Variants in ZMAT4 observed in about 807,000 individuals in gnomAD.
ZMAT4 encodes zinc finger matrin-type protein 4.
ZMAT4 carries 17 observed loss-of-function variants against 28.7 expected under a neutral mutation model. The observed-to-expected ratio is 0.59, with a 90% CI of 0.41 to 0.89. ZMAT4 has a LOEUF of 0.89. ZMAT4 is among the 40% of genes least tolerant of loss of function. The pLI, the probability that ZMAT4 is intolerant of heterozygous loss-of-function variation, is 0.00. For synonymous variants in ZMAT4, 117 were observed against 109.2 expected (o/e 1.07, Z -0.44); for missense variants, 240 against 283.8 (o/e 0.85, Z 1.11).
intron 2 of ZMAT4, among the ~76,000 whole-genome samples, chr8:40,790,218 A>T (rs373514047): frequency 2.6e-5 from 4 of 152,202 alleles, no homozygotes; most frequent in Admixed American, 2.6e-4. Context: ...AAGAAAAAAA[A>T]CTGTTTTTAT....
chr8:40,667,200 G>A (rs1808453664), intron 5 of ZMAT4, among the ~76,000 whole-genome samples: 1 of 151,240 alleles, frequency 6.6e-6, no homozygotes, highest in Admixed American at 6.6e-5. Flanking sequence ...CTGTCGCCTA[G>A]GCTGGAGTGC....
rs974311532 is a variant in ZMAT4, at chr8:40,735,577, C to T, written c.192+32064G>A. Reference sequence around the variant, plus strand: ...ACTGGATCTAAAAAATATTTGAGAGCTGGTTTCAGGAATTTAACCCATCAT... The same window carrying T: ...ACTGGATCTAAAAAATATTTGAGAGTTGGTTTCAGGAATTTAACCCATCAT... On this transcript the variant is annotated intron_variant, in intron 3 of 6. Coordinates refer to ENST00000297737, the MANE Select transcript of ZMAT4 (RefSeq NM_024645.3). Among the ~76,000 whole-genome samples the T allele has an allele frequency of 7.9e-5, 12 of 152,232 alleles. No homozygotes were observed. In the East Asian group the frequency reaches 2.3e-3, roughly 29 times the overall value.
intron 6 of ZMAT4, among the ~76,000 whole-genome samples, chr8:40,561,316 C>T (rs1803731975): frequency 6.6e-6 from 1 of 152,000 alleles, no homozygotes; most frequent in South Asian, 2.1e-4. Flanking sequence ...TGTTACTTGG[C>T]AGCTTTAGAG....
chr8:40,626,075 A>C (rs931413383), intron 5 of ZMAT4, among the ~76,000 whole-genome samples: 2 of 147,370 alleles, frequency 1.4e-5, no homozygotes, highest in Non-Finnish European at 3.0e-5. Flanking sequence ...GCGCCATTGC[A>C]CTCCAGCCTG....
intron 4 of ZMAT4, among the ~76,000 whole-genome samples, chr8:40,693,558 T>C (rs965912377): frequency 6.6e-6 from 1 of 152,222 alleles, no homozygotes; most frequent in Non-Finnish European, 1.5e-5. Flanking sequence ...GCCTCCTTGA[T>C]GCATGTTCCT....
At chr8:40,666,642 A>G (rs188409402) in intron 5 of ZMAT4, among the ~76,000 whole-genome samples, 2 of 152,306 alleles carry the variant, frequency 1.3e-5, no homozygotes, top group East Asian at 1.9e-4. Context: ...ACAAAATTCA[A>G]TTTCATTTTC....
At chr8:40,668,276 C>T (rs1400583024) in intron 5 of ZMAT4, among the ~76,000 whole-genome samples, 1 of 151,828 alleles carries the variant, frequency 6.6e-6, no homozygotes, top group Non-Finnish European at 1.5e-5. Context: ...TTGGAACCAG[C>T]CTGGCCAACA....
At chr8:40,890,406 G>A (rs914491129) in intron 1 of ZMAT4, among the ~76,000 whole-genome samples, 22 of 151,952 alleles carry the variant, frequency 1.4e-4, no homozygotes, top group African/African-American at 4.8e-4. Flanking sequence ...TTCTCCTCCC[G>A]GGGATGAATA....
Position 40,580,284 on chromosome 8 carries a change from C to T in ZMAT4, c.674+881G>A, listed in dbSNP as rs145974925. Among the ~76,000 whole-genome samples the T allele has an allele frequency of 4.1e-3, 629 of 152,070 alleles. 5 individuals carry two copies. Among genetic ancestry groups the T allele is most frequent in the African/African-American group, 0.013 (538 of 41,496 alleles). On this transcript the variant is annotated intron_variant, in intron 6 of 6. Transcript: ENST00000297737. The stretch of plus-strand genomic sequence containing the variant: ...ACCTCAGCCTCCCAAAATGCTGGGA[C>T]TACAGGCATGAGCCACCGCACCCGG...
At chr8:40,883,755 A>T (rs1204274799) in intron 1 of ZMAT4, among the ~76,000 whole-genome samples, 3 of 152,116 alleles carry the variant, frequency 2.0e-5, no homozygotes, top group Admixed American at 6.5e-5. Context: ...CTTTATTGCC[A>T]CCTGTCTGAC....
At chr8:40,820,526 A>C (rs1744513256) in intron 2 of ZMAT4, among the ~76,000 whole-genome samples, 1 of 112,404 alleles carries the variant, frequency 8.9e-6, no homozygotes, top group Non-Finnish European at 1.8e-5. Context: ...GTGTATATGC[A>C]TGTGTTTATG....
intron 6 of ZMAT4, among the ~76,000 whole-genome samples, chr8:40,580,301 C>T (rs575440871): frequency 1.3e-4 from 20 of 152,182 alleles, no homozygotes; most frequent in East Asian, 9.7e-4. Flanking sequence ...CATGAGCCAC[C>T]GCACCCGGCC....
At chr8:40,759,281 C>CA (rs55670597) in intron 3 of ZMAT4, among the ~76,000 whole-genome samples, 5 of 101,268 alleles carry the variant, frequency 4.9e-5, no homozygotes, top group African/African-American at 1.9e-4. Flanking sequence ...GACTCCATCT[C>CA]AAAAAAAAAA....
intron 5 of ZMAT4, among the ~76,000 whole-genome samples, chr8:40,614,187 T>C (rs979281402): frequency 1.3e-5 from 2 of 152,208 alleles, no homozygotes; most frequent in African/African-American, 2.4e-5. Context: ...GCAAAGGAAG[T>C]GTCAGCATTT....
intron 2 of ZMAT4, among the ~76,000 whole-genome samples, chr8:40,818,771 C>T (rs947310592): frequency 1.3e-5 from 2 of 152,082 alleles, no homozygotes; most frequent in African/African-American, 4.8e-5. Flanking sequence ...ACAGTCACAC[C>T]GCCTGATCTA....
At chr8:40,597,968 G>T (rs1310532411) in intron 5 of ZMAT4, among the ~76,000 whole-genome samples, 1 of 152,154 alleles carries the variant, frequency 6.6e-6, no homozygotes, top group African/African-American at 2.4e-5. Context: ...ACTATAATGT[G>T]TCTCTTCATC....
Position 40,661,328 on chromosome 8 carries a change from G to C in ZMAT4, c.577+13376C>G, listed in dbSNP as rs563143303. Among the ~76,000 whole-genome samples the C allele has an allele frequency of 3.9e-5, 6 of 152,290 alleles. No individual in the cohort carries two copies. In the South Asian group the frequency reaches 1.2e-3, roughly 32 times the overall value. ...TTGGCCAGGCTGGTCTTGAACTCTTGACCCCAGGCAATCCACCTGCCTTGC... is the reference window on the plus strand; with the variant it reads ...TTGGCCAGGCTGGTCTTGAACTCTTCACCCCAGGCAATCCACCTGCCTTGC... On this transcript the variant is annotated intron_variant, in intron 5 of 6. Coordinates refer to ENST00000297737, the MANE Select transcript of ZMAT4 (RefSeq NM_024645.3).
intron 4 of ZMAT4, among the ~76,000 whole-genome samples, chr8:40,696,110 C>T (rs1176308343): frequency 6.6e-6 from 1 of 152,026 alleles, no homozygotes; most frequent in Non-Finnish European, 1.5e-5. Flanking sequence ...ACAACCTGTG[C>T]CCCCAAACAT....
chr8:40,679,883 C>T (rs563986596), intron 4 of ZMAT4, among the ~76,000 whole-genome samples: 51 of 152,134 alleles, frequency 3.4e-4, no homozygotes, highest in Middle Eastern at 3.4e-3. Flanking sequence ...AATGAATGAA[C>T]GAATAAATAA....
Sources: gnomAD v4.1 joint callset for allele counts (sites outside exome capture counted in the v4.1 genomes callset) on GRCh38, gnomAD v4.1.1 for gene constraint, MANE v1.5 for transcripts, NCBI Gene and HGNC (gene_info 2026-07-23, HGNC 2026-07-21) for gene names.